The following MACROD2 variants were observed in gnomAD, a reference collection of about 807,000 sequenced individuals.
MACROD2 encodes mono-ADP ribosylhydrolase 2.
MACROD2 carries 36 observed loss-of-function variants against 70.4 expected under a neutral mutation model. The observed-to-expected ratio is 0.51, with a 90% CI of 0.39 to 0.68. The LOEUF is 0.68. MACROD2 is among the 30% of genes least tolerant of loss of function. The pLI is 0.00. For synonymous variants in MACROD2, 172 were observed against 178.8 expected, an observed-to-expected ratio of 0.96 and a Z score of 0.30; for missense variants, 496 against 538.4, an observed-to-expected ratio of 0.92 and a Z score of 0.78.
At chr20:14,347,453 G>C (rs1203293456) in intron 3 of MACROD2, among the ~76,000 whole-genome samples, 1 of 152,142 alleles carries the variant, frequency 6.6e-6, no homozygotes, top group Non-Finnish European at 1.5e-5. Flanking sequence ...AATGATAATA[G>C]CATGAAAAGA....
At chr20:14,960,083 T>G (rs2074570306) in intron 5 of MACROD2, among the ~76,000 whole-genome samples, 1 of 152,040 alleles carries the variant, frequency 6.6e-6, no homozygotes, top group African/African-American at 2.4e-5. Context: ...CCAGAAGGGG[T>G]CAAAACTCAA....
At chr20:14,100,776 TATATTAC>T (rs1225558500) in intron 3 of MACROD2, among the ~76,000 whole-genome samples, 5 of 139,664 alleles carry the variant, frequency 3.6e-5, no homozygotes, top group African/African-American at 1.3e-4. Flanking sequence ...ATCTATAATA[TATATTAC>T]ATATTATATA....
At chr20:15,435,127 T>A (rs1330595985) in intron 7 of MACROD2, among the ~76,000 whole-genome samples, 1 of 151,950 alleles carries the variant, frequency 6.6e-6, no homozygotes, top group Admixed American at 6.6e-5. Context: ...ACCAAAGAAT[T>A]TTTGCATGTA....
At chr20:14,422,601 G>A (rs2083887933) in intron 3 of MACROD2, among the ~76,000 whole-genome samples, 1 of 151,508 alleles carries the variant, frequency 6.6e-6, no homozygotes, top group Admixed American at 6.6e-5. Flanking sequence ...GTTACTCTCA[G>A]GGCTATATAA....
chr20:15,484,042 C>CTTTTTTTTTATTTTA (rs2047132875), intron 7 of MACROD2, among the ~76,000 whole-genome samples: 1 of 136,294 alleles, frequency 7.3e-6, no homozygotes, highest in African/African-American at 2.7e-5. Flanking sequence ...ATCATTATGC[C>CTTTTTTTTTATTTTA]TTTTATTTTA....
At chr20:15,253,741 A>G (rs2077175269) in intron 6 of MACROD2, among the ~76,000 whole-genome samples, 1 of 152,154 alleles carries the variant, frequency 6.6e-6, no homozygotes, top group African/African-American at 2.4e-5. Context: ...GAAGGTCACA[A>G]TCTTTATTCT....
intron 8 of MACROD2, among the ~76,000 whole-genome samples, chr20:15,740,640 T>A (rs549738736): frequency 4.6e-5 from 7 of 152,216 alleles, no homozygotes; most frequent in African/African-American, 1.7e-4. Flanking sequence ...TGGGGTTCTA[T>A]AGATAGGTCA....
At chr20:15,300,291 T>C (rs1296901237) in intron 6 of MACROD2, among the ~76,000 whole-genome samples, 1 of 152,220 alleles carries the variant, frequency 6.6e-6, no homozygotes, top group Non-Finnish European at 1.5e-5. Flanking sequence ...AAACCATGAT[T>C]CCAAACTTAG....
intron 5 of MACROD2, among the ~76,000 whole-genome samples, chr20:14,859,260 C>T (rs1245180509): frequency 6.6e-6 from 1 of 151,906 alleles, no homozygotes; most frequent in Non-Finnish European, 1.5e-5. Context: ...GGGTTCACTG[C>T]CAAGCAAATA....
chr20:15,035,784 CA>C (rs766447121), intron 5 of MACROD2, among the ~76,000 whole-genome samples: 19 of 152,194 alleles, frequency 1.2e-4, no homozygotes, highest in Admixed American at 3.9e-4. Context: ...TTTCTCTCCC[CA>C]ACTTGGGGCC....
At chr20:15,847,486 A>G (rs1399982989) in intron 8 of MACROD2, among the ~76,000 whole-genome samples, 1 of 152,218 alleles carries the variant, frequency 6.6e-6, no homozygotes, top group Admixed American at 6.5e-5. Context: ...CCAAGGCTTT[A>G]TTTTGACTGG....
rs151215167 is a variant in MACROD2, at chr20:15,639,162, C to T, written c.645+139315C>T. On this transcript the variant is annotated intron_variant, in intron 8 of 17. Coordinates refer to ENST00000684519, the MANE Select transcript of MACROD2 (RefSeq NM_001351661.2). ...GAAGGCTTCACTTCAAAGGAGATCA[C>T]CCACAGCAGAGGAGCTGATGCAGAG... Among the ~76,000 whole-genome samples the T allele has an allele frequency of 2.0e-3, 311 of 152,120 alleles. 4 individuals are homozygous for T. The highest frequency in any genetic ancestry group is 6.8e-3 in the African/African-American group (282 of 41,476).
chr20:16,031,682 T>C (rs992460114), intron 15 of MACROD2, among the ~76,000 whole-genome samples: 1 of 152,154 alleles, frequency 6.6e-6, no homozygotes, highest in Non-Finnish European at 1.5e-5. Flanking sequence ...AGTAAATGCA[T>C]ATATTGAATA....
At chr20:15,766,847 T>C (rs553652603) in intron 8 of MACROD2, among the ~76,000 whole-genome samples, 18 of 152,240 alleles carry the variant, frequency 1.2e-4, no homozygotes, top group Non-Finnish European at 2.5e-4. Context: ...CTTGGAGTTC[T>C]CTCCATGCGG....
chr20:15,182,828 G>A (rs748197639), intron 5 of MACROD2, among the ~76,000 whole-genome samples: 14 of 152,276 alleles, frequency 9.2e-5, no homozygotes, highest in Middle Eastern at 3.4e-3. Flanking sequence ...TGTGTTCACC[G>A]TAAGGGTACA....
intron 5 of MACROD2, among the ~76,000 whole-genome samples, chr20:14,805,323 G>C (rs1422737535): frequency 6.6e-6 from 1 of 152,014 alleles, no homozygotes. Flanking sequence ...CTTACATTTA[G>C]AGAAATTTTT....
chr20:15,656,202 T>C (rs937858514), intron 8 of MACROD2, among the ~76,000 whole-genome samples: 2 of 152,218 alleles, frequency 1.3e-5, no homozygotes, highest in African/African-American at 4.8e-5. Flanking sequence ...CGTTTTCTGA[T>C]TTTGACTCAG....
At chr20:15,775,093 G>T (rs2051699474) in intron 8 of MACROD2, among the ~76,000 whole-genome samples, 1 of 152,200 alleles carries the variant, frequency 6.6e-6, no homozygotes, top group East Asian at 1.9e-4. Flanking sequence ...TGAGGGAGGG[G>T]CAAAGGGAAC....
At chr20:14,105,887 G>A (rs1261828327) in intron 3 of MACROD2, among the ~76,000 whole-genome samples, 2 of 152,124 alleles carry the variant, frequency 1.3e-5, no homozygotes, top group African/African-American at 2.4e-5. Context: ...GAGAACCTGC[G>A]GCCTTGAAGG....
Sources: allele counts gnomAD v4.1 joint callset (sites outside exome capture counted in the v4.1 genomes callset), GRCh38; gene constraint gnomAD v4.1.1; transcripts MANE v1.5; gene names NCBI Gene and HGNC (gene_info 2026-07-23, HGNC 2026-07-21).